ASTN2: variants seen among roughly 807,000 people sequenced by gnomAD.
The protein encoded by ASTN2 is astrotactin-2.
ASTN2 carries 54 observed loss-of-function variants against 139.8 expected under a neutral mutation model. That is an observed-to-expected ratio of 0.39 (90% CI 0.31 to 0.48). The LOEUF is 0.48. Among genes scored for constraint, ASTN2 ranks in the 20% least tolerant of loss-of-function variants. ASTN2 has a pLI of 0.95. For synonymous variants in ASTN2, 756 were observed against 719.5 expected, an observed-to-expected ratio of 1.05 and a Z score of -0.81; for missense variants, 1,565 against 1,725.1, an observed-to-expected ratio of 0.91 and a Z score of 1.64.
intron 10 of ASTN2, among the ~76,000 whole-genome samples, chr9:116,885,224 G>T (rs914141242): frequency 3.9e-5 from 6 of 152,032 alleles, no homozygotes; most frequent in Admixed American, 2.6e-4. Flanking sequence ...GACTGGAAAT[G>T]TCCCAACACA....
chr9:116,939,852 A>G (rs1054946474), intron 10 of ASTN2, among the ~76,000 whole-genome samples: 3 of 152,212 alleles, frequency 2.0e-5, no homozygotes, highest in African/African-American at 7.2e-5. Flanking sequence ...AACCATGGAC[A>G]AAATACATGA....
At chr9:117,090,681 G>A (rs1344865724) in intron 5 of ASTN2, among the ~76,000 whole-genome samples, 2 of 152,200 alleles carry the variant, frequency 1.3e-5, no homozygotes, top group African/African-American at 2.4e-5. Flanking sequence ...ACTCTGTGAG[G>A]CAGGTGTCAA....
intron 20 of ASTN2, among the ~76,000 whole-genome samples, chr9:116,450,641 T>A (rs758126985): frequency 6.6e-6 from 1 of 152,074 alleles, no homozygotes; most frequent in African/African-American, 2.4e-5. Context: ...ATGTCCAAAC[T>A]TCCCCCCAGC....
intron 6 of ASTN2, among the ~76,000 whole-genome samples, chr9:117,026,936 A>C (rs1838106009): frequency 1.3e-5 from 2 of 152,160 alleles, no homozygotes; most frequent in African/African-American, 4.8e-5. Context: ...TAAATAACTT[A>C]AGGCTACATA....
chr9:117,298,428 T>C (rs1359328701), intron 1 of ASTN2, among the ~76,000 whole-genome samples: 1 of 152,056 alleles, frequency 6.6e-6, no homozygotes, highest in African/African-American at 2.4e-5. Flanking sequence ...ACCTGTGTGT[T>C]TTTGGGCAAG....
intron 2 of ASTN2, among the ~76,000 whole-genome samples, chr9:117,263,175 A>G (rs1331686601): frequency 6.6e-6 from 1 of 152,186 alleles, no homozygotes; most frequent in East Asian, 1.9e-4. Context: ...GGCTAAAAAT[A>G]AGAAGGACTC....
intron 5 of ASTN2, among the ~76,000 whole-genome samples, chr9:117,083,226 A>C (rs932380063): frequency 6.6e-6 from 1 of 152,256 alleles, no homozygotes; most frequent in African/African-American, 2.4e-5. Flanking sequence ...AAATAAAAAA[A>C]AATGAATGAA....
chr9:116,717,517 T>TC (rs1235178369), intron 16 of ASTN2, among the ~76,000 whole-genome samples: 1 of 152,036 alleles, frequency 6.6e-6, no homozygotes, highest in African/African-American at 2.4e-5. Flanking sequence ...GCTAGATTGA[T>TC]CCTACAAATA....
intron 5 of ASTN2, among the ~76,000 whole-genome samples, chr9:117,050,756 T>C (rs1028264378): frequency 6.6e-6 from 1 of 152,100 alleles, no homozygotes; most frequent in Non-Finnish European, 1.5e-5. Flanking sequence ...ATAGGGGGCA[T>C]TTTCACATCT....
chr9:116,431,307 G>A (rs991040949), intron 22 of ASTN2, among the ~76,000 whole-genome samples: 6 of 152,174 alleles, frequency 3.9e-5, no homozygotes, highest in Non-Finnish European at 1.5e-5. Flanking sequence ...CTGCCTTACG[G>A]AGTTGAGCTT....
intron 10 of ASTN2, among the ~76,000 whole-genome samples, chr9:116,891,902 T>C: frequency 6.6e-6 from 1 of 152,200 alleles, no homozygotes; most frequent in Non-Finnish European, 1.5e-5. Context: ...TTAGAGCTGA[T>C]TGCATTGGAA....
intron 2 of ASTN2, among the ~76,000 whole-genome samples, chr9:117,259,209 C>T (rs964730154): frequency 2.0e-5 from 3 of 152,082 alleles, no homozygotes; most frequent in African/African-American, 7.2e-5. Flanking sequence ...TTCTCAGATG[C>T]AAAATGTGTG....
chr9:116,594,612 C>T (rs1854495155), intron 19 of ASTN2, among the ~76,000 whole-genome samples: 1 of 152,178 alleles, frequency 6.6e-6, no homozygotes, highest in Non-Finnish European at 1.5e-5. Context: ...TAACAGTACT[C>T]ATTGGATGTC....
chr9:116,851,027 G>C (rs925955322), intron 11 of ASTN2, among the ~76,000 whole-genome samples: 1 of 152,138 alleles, frequency 6.6e-6, no homozygotes, highest in African/African-American at 2.4e-5. Flanking sequence ...GCCCAGAAGA[G>C]GGTCTTACAC....
rs554575937 is a variant in ASTN2, at chr9:116,805,016, C to T, written c.2396+616G>A. ...CCAAAAACCCTTTACCAATATCTTGCATCTTTAATCCTCACATAATCTGGC... is the reference window on the plus strand; with the variant it reads ...CCAAAAACCCTTTACCAATATCTTGTATCTTTAATCCTCACATAATCTGGC... On this transcript the variant is annotated intron_variant, in intron 13 of 22. Transcript: ENST00000313400. Among the ~76,000 whole-genome samples the T allele has an allele frequency of 5.9e-5, 9 of 151,368 alleles. No homozygotes were observed. In the South Asian group the frequency reaches 1.9e-3, roughly 32 times the overall value.
chr9:116,949,300 T>A (rs1336165343), intron 10 of ASTN2, among the ~76,000 whole-genome samples: 1 of 152,152 alleles, frequency 6.6e-6, no homozygotes, highest in Non-Finnish European at 1.5e-5. Flanking sequence ...TCAGTCCCAG[T>A]GCTAGAATGA....
chr9:116,963,519 A>C (rs2150200), intron 10 of ASTN2, among the ~76,000 whole-genome samples: 148,017 of 152,234 alleles, frequency 0.97, 72,086 homozygotes, highest in East Asian at 1. Flanking sequence ...CCATGGCCCA[A>C]TTGGTACAGC....
chr9:116,761,828 G>A (rs1268078611), intron 13 of ASTN2, among the ~76,000 whole-genome samples: 4 of 152,118 alleles, frequency 2.6e-5, no homozygotes, highest in Non-Finnish European at 4.4e-5. Context: ...CATGTTAGAC[G>A]ATCATTCTGG....
intron 10 of ASTN2, among the ~76,000 whole-genome samples, chr9:116,938,310 C>T (rs1835132154): frequency 6.6e-6 from 1 of 152,160 alleles, no homozygotes; most frequent in South Asian, 2.1e-4. Flanking sequence ...AAAACTGAGA[C>T]CCTGAAAGTT....
Sources: gnomAD v4.1 joint callset for allele counts (sites outside exome capture counted in the v4.1 genomes callset) on GRCh38, gnomAD v4.1.1 for gene constraint, MANE v1.5 for transcripts, NCBI Gene and HGNC (gene_info 2026-07-23, HGNC 2026-07-21) for gene names.